Variants in DAB1 observed in about 807,000 individuals in gnomAD.
The protein encoded by DAB1 is DAB adaptor protein 1.
A neutral mutation model predicts 64.6 loss-of-function variants in DAB1; 15 were observed. The observed-to-expected ratio is 0.23, with a 90% CI of 0.16 to 0.36. DAB1 has a LOEUF of 0.36. Among genes scored for constraint, DAB1 ranks in the 10% least tolerant of loss-of-function variants. The pLI, the probability that DAB1 is intolerant of heterozygous loss-of-function variation, is 1.00. For synonymous variants in DAB1, 235 were observed against 251.9 expected, an observed-to-expected ratio of 0.93 and a Z score of 0.64; for missense variants, 596 against 706.7, an observed-to-expected ratio of 0.84 and a Z score of 1.78.
intron 7 of DAB1, among the ~76,000 whole-genome samples, chr1:57,477,944 G>A (rs1442598093): frequency 6.7e-6 from 1 of 150,234 alleles, no homozygotes; most frequent in African/African-American, 2.4e-5. Context: ...GGGTACCTGT[G>A]CACAACGTGC....
intron 5 of DAB1, among the ~76,000 whole-genome samples, chr1:57,971,358 G>T (rs1232882255): frequency 2.6e-5 from 4 of 152,200 alleles, no homozygotes; most frequent in African/African-American, 9.7e-5. Context: ...AAGGTCAGCT[G>T]CTTATTCCTA....
At chr1:57,947,618 C>G (rs1645203214) in intron 5 of DAB1, among the ~76,000 whole-genome samples, 1 of 152,180 alleles carries the variant, frequency 6.6e-6, no homozygotes, top group South Asian at 2.1e-4. Context: ...GTCCAGTTTC[C>G]TAAGTATTTA....
At chr1:58,313,942 T>C (rs981076982) in intron 4 of DAB1, among the ~76,000 whole-genome samples, 4 of 151,682 alleles carry the variant, frequency 2.6e-5, no homozygotes, top group African/African-American at 9.7e-5. Context: ...ATCATCACAT[T>C]GGAGATTAGG....
chr1:58,339,543 A>G (rs1463912953), intron 4 of DAB1, among the ~76,000 whole-genome samples: 1 of 152,200 alleles, frequency 6.6e-6, no homozygotes, highest in Non-Finnish European at 1.5e-5. Flanking sequence ...GAAATTATCT[A>G]GACAAAGGGG....
chr1:58,325,884 C>T (rs540846020), intron 4 of DAB1, among the ~76,000 whole-genome samples: 55 of 152,078 alleles, frequency 3.6e-4, no homozygotes, highest in Non-Finnish European at 3.7e-4. Context: ...TTTATTGATC[C>T]AAGTGGAAGT....
At chr1:57,613,619 C>T (rs1645754503) in intron 7 of DAB1, among the ~76,000 whole-genome samples, 1 of 152,080 alleles carries the variant, frequency 6.6e-6, no homozygotes, top group East Asian at 1.9e-4. Context: ...GATATTTTCC[C>T]CCTCAAAAAT....
intron 6 of DAB1, among the ~76,000 whole-genome samples, chr1:57,677,551 T>G (rs569683660): frequency 1.3e-5 from 2 of 152,320 alleles, no homozygotes; most frequent in South Asian, 4.1e-4. Context: ...TGTGCACACC[T>G]TGGGTGACAG....
chr1:57,293,794 G>A (rs1672975222), intron 1 of DAB1, among the ~76,000 whole-genome samples: 1 of 152,090 alleles, frequency 6.6e-6, no homozygotes, highest in Admixed American at 6.6e-5. Flanking sequence ...TATAAAACTG[G>A]ATTGGATTTG....
At chr1:57,991,618 C>A (rs373581423) in intron 5 of DAB1, among the ~76,000 whole-genome samples, 3 of 151,978 alleles carry the variant, frequency 2.0e-5, no homozygotes, top group Non-Finnish European at 2.9e-5. Flanking sequence ...TAGGCCAAGA[C>A]GGGTGGATCA....
At chr1:58,213,319 G>A (rs774110528) in intron 4 of DAB1, among the ~76,000 whole-genome samples, 3 of 152,142 alleles carry the variant, frequency 2.0e-5, no homozygotes, top group Non-Finnish European at 4.4e-5. Context: ...TAAAGGCAGG[G>A]TCATTGTATT....
chr1:58,277,212 G>T (rs886581372), intron 4 of DAB1, among the ~76,000 whole-genome samples: 1 of 151,702 alleles, frequency 6.6e-6, no homozygotes, highest in Non-Finnish European at 1.5e-5. Flanking sequence ...GCTAATTTTT[G>T]TATTTTTAAT....
intron 7 of DAB1, among the ~76,000 whole-genome samples, chr1:57,505,409 T>C (rs890626808): frequency 6.6e-6 from 1 of 152,182 alleles, no homozygotes; most frequent in African/African-American, 2.4e-5. Flanking sequence ...GATACAAATC[T>C]GTGAGTACTT....
At chr1:57,594,713 T>C (rs1041016199) in intron 7 of DAB1, among the ~76,000 whole-genome samples, 5 of 152,062 alleles carry the variant, frequency 3.3e-5, no homozygotes, top group Non-Finnish European at 7.4e-5. Context: ...TATATACTTA[T>C]TTATTTATTT....
chr1:57,617,188 C>T (rs1470830622), intron 7 of DAB1, among the ~76,000 whole-genome samples: 3 of 152,124 alleles, frequency 2.0e-5, no homozygotes, highest in Non-Finnish European at 4.4e-5. Flanking sequence ...CAGCTGCTCC[C>T]TTCTTCCAAG....
chr1:58,233,554 T>C (rs1320131311), intron 4 of DAB1, among the ~76,000 whole-genome samples: 1 of 152,192 alleles, frequency 6.6e-6, no homozygotes, highest in African/African-American at 2.4e-5. Context: ...CCCAGGTCTT[T>C]TCATTCTCTC....
chr1:58,369,012 C>T (rs1644240597), intron 3 of DAB1, among the ~76,000 whole-genome samples: 1 of 150,656 alleles, frequency 6.6e-6, no homozygotes, highest in Non-Finnish European at 1.5e-5. Flanking sequence ...AACCTTGTCT[C>T]AAAAAAAAAG....
intron 5 of DAB1, among the ~76,000 whole-genome samples, chr1:58,016,358 A>G (rs938872409): frequency 1.3e-5 from 2 of 152,098 alleles, no homozygotes; most frequent in Non-Finnish European, 2.9e-5. Flanking sequence ...CTGTTTGCCA[A>G]TTTCCCATTT....
intron 4 of DAB1, among the ~76,000 whole-genome samples, chr1:57,109,224 G>C (rs559671202): frequency 2.6e-5 from 4 of 152,122 alleles, no homozygotes; most frequent in Non-Finnish European, 5.9e-5. Flanking sequence ...AGCAGCCAGG[G>C]GCAACTCACC....
At chr1:57,980,436 A>T (rs1230793504) in intron 5 of DAB1, among the ~76,000 whole-genome samples, 3 of 152,192 alleles carry the variant, frequency 2.0e-5, no homozygotes, top group Non-Finnish European at 2.9e-5. Context: ...AATGAAATAA[A>T]TTAACAAATG....
Sources: gnomAD v4.1 joint callset for allele counts (sites outside exome capture counted in the v4.1 genomes callset) on GRCh38, gnomAD v4.1.1 for gene constraint, MANE v1.5 for transcripts, NCBI Gene and HGNC (gene_info 2026-07-23, HGNC 2026-07-21) for gene names.